Variants in DGKB observed in about 807,000 individuals in gnomAD.
DGKB encodes diacylglycerol kinase beta.
In DGKB, 67 loss-of-function variants were observed where a neutral mutation model predicts 114.3. The observed-to-expected ratio is 0.59, with a 90% CI of 0.48 to 0.72. The LOEUF (loss-of-function observed/expected upper bound fraction) is 0.72. DGKB is among the 30% of genes least tolerant of loss of function. DGKB has a pLI of 0.00. For synonymous variants in DGKB, 398 were observed against 323.1 expected (o/e 1.23, Z -2.49); for missense variants, 907 against 975.2 (o/e 0.93, Z 0.93).
Position 14,554,555 on chromosome 7 carries a change from C to T in DGKB, c.1770+19657G>A, listed in dbSNP as rs80295756. Among the ~76,000 whole-genome samples, 162 of 152,086 alleles carry T rather than the reference C, an allele frequency of 1.1e-3. 1 individual carries two copies. Among genetic ancestry groups the T allele is most frequent in the African/African-American group, 3.7e-3 (155 of 41,514 alleles). On this transcript the variant is annotated intron_variant, in intron 20 of 25. Coordinates refer to ENST00000402815, the MANE Select transcript of DGKB (RefSeq NM_001350709.2). ...TGAGATGGATGGATCAAAGGGTATG[C>T]ACATTTTTAAATTTTAATAGATACT...
intron 1 of DGKB, among the ~76,000 whole-genome samples, chr7:14,973,519 GT>G (rs201473471): frequency 2.4e-5 from 3 of 126,298 alleles, no homozygotes; most frequent in African/African-American, 5.9e-5. Flanking sequence ...TTTGTTTTTT[GT>G]TTTTTTGTTT....
chr7:14,612,781 T>A (rs931689816), intron 16 of DGKB, among the ~76,000 whole-genome samples: 1 of 152,132 alleles, frequency 6.6e-6, no homozygotes, highest in Non-Finnish European at 1.5e-5. Flanking sequence ...CATATTTGTA[T>A]TAAATAATAT....
chr7:14,227,460 T>G (rs1047712314), intron 23 of DGKB, among the ~76,000 whole-genome samples: 12 of 152,032 alleles, frequency 7.9e-5, no homozygotes, highest in Non-Finnish European at 1.8e-4. Flanking sequence ...AAAGAATAGA[T>G]CATAATGAAA....
intron 12 of DGKB, among the ~76,000 whole-genome samples, chr7:14,677,145 A>G (rs1479221742): frequency 6.6e-6 from 1 of 151,968 alleles, no homozygotes; most frequent in Non-Finnish European, 1.5e-5. Flanking sequence ...AGAAAGAAAA[A>G]GAAAGTGTGT....
intron 1 of DGKB, among the ~76,000 whole-genome samples, chr7:14,954,294 G>A (rs1349557067): frequency 6.6e-6 from 1 of 151,990 alleles, no homozygotes; most frequent in Non-Finnish European, 1.5e-5. Context: ...TTGGTAAAGG[G>A]GATGTAGAGC....
At position 14,698,474 on chromosome 7, in the gene DGKB, C is replaced by T. The variant is rs1980335; in HGVS notation, c.517-305G>A. ...TGAAGAAAGCAGGACCAAATACATA[C>T]TGTCACATGTGATTTTTAAGACACT... is the stretch of plus-strand genomic sequence containing the variant. On this transcript the variant is annotated intron_variant, in intron 7 of 25. Coordinates refer to ENST00000402815, the MANE Select transcript of DGKB (RefSeq NM_001350709.2). 6.8e-3 allele frequency among the ~76,000 whole-genome samples: 1,042 copies of T among 152,204 alleles called. 10 individuals are homozygous for T. The highest frequency in any genetic ancestry group is 0.023 in the African/African-American group (967 of 41,546).
In DGKB at chr7:14,304,632, G is replaced by A. The variant is rs149720922; in HGVS notation, c.2122+33883C>T. On this transcript the variant is annotated intron_variant, in intron 23 of 25. Coordinates refer to ENST00000402815, the MANE Select transcript of DGKB (RefSeq NM_001350709.2). ...TTTCCCCTGGTAGGTAAGCATTGCC[G>A]ATTTAGTGTCCAGTAGCATGTTTAC... 8.6e-3 allele frequency among the ~76,000 whole-genome samples: 1,302 copies of A among 152,184 alleles called. 6 individuals carry two copies. The highest frequency in any genetic ancestry group is 0.013 in the Non-Finnish European group (913 of 68,016).
intron 23 of DGKB, among the ~76,000 whole-genome samples, chr7:14,297,086 C>G (rs985483491): frequency 3.9e-5 from 6 of 151,966 alleles, no homozygotes; most frequent in African/African-American, 1.4e-4. Flanking sequence ...CCAAAAAAAG[C>G]CCAGGACCAG....
At chr7:14,177,633 CAT>C (rs1401480986) in intron 24 of DGKB, among the ~76,000 whole-genome samples, 3 of 137,614 alleles carry the variant, frequency 2.2e-5, no homozygotes, top group African/African-American at 5.3e-5. Flanking sequence ...AAATTTAAAA[CAT>C]ATATAAAATC....
chr7:14,180,494 G>T (rs1160093166), intron 23 of DGKB, among the ~76,000 whole-genome samples: 1 of 152,086 alleles, frequency 6.6e-6, no homozygotes, highest in Non-Finnish European at 1.5e-5. Context: ...GAACACCCAG[G>T]CTTTTAAACT....
chr7:14,404,974 C>T (rs1286065652), intron 21 of DGKB, among the ~76,000 whole-genome samples: 1 of 151,798 alleles, frequency 6.6e-6, no homozygotes, highest in South Asian at 2.1e-4. Context: ...TCATATAGTG[C>T]TACTGCTGAA....
chr7:14,565,135 A>C (rs2128682540), intron 20 of DGKB, among the ~76,000 whole-genome samples: 1 of 152,270 alleles, frequency 6.6e-6, no homozygotes, highest in Admixed American at 6.5e-5. Context: ...GGATGCAAAC[A>C]GAGGTTTGCA....
intron 4 of DGKB, among the ~76,000 whole-genome samples, chr7:14,738,760 G>A (rs1832112250): frequency 6.6e-6 from 1 of 152,196 alleles, no homozygotes; most frequent in Admixed American, 6.5e-5. Context: ...TGCTTTAAAA[G>A]CTGGTAATAA....
intron 23 of DGKB, among the ~76,000 whole-genome samples, chr7:14,260,796 A>ATGT (rs1451184933): frequency 6.6e-6 from 1 of 152,188 alleles, no homozygotes; most frequent in South Asian, 2.1e-4. Flanking sequence ...GCTCACCAAA[A>ATGT]TGTTAACATT....
intron 21 of DGKB, among the ~76,000 whole-genome samples, chr7:14,445,205 T>C (rs1409664010): frequency 6.6e-6 from 1 of 151,814 alleles, no homozygotes; most frequent in Non-Finnish European, 1.5e-5. Context: ...ATGTATAGAG[T>C]AAAAACTTTC....
chr7:14,339,262 C>G (rs1056723018), intron 22 of DGKB, among the ~76,000 whole-genome samples: 1 of 151,432 alleles, frequency 6.6e-6, no homozygotes, highest in East Asian at 1.9e-4. Context: ...TTCAATCACA[C>G]TGAATTTACC....
At position 14,724,450 on chromosome 7, in the gene DGKB, G is replaced by T. The variant is rs73682509; in HGVS notation, c.323-5765C>A. Among the ~76,000 whole-genome samples the T allele has an allele frequency of 7.3e-3, 1,109 of 152,272 alleles. 13 individuals are homozygous for T. The highest frequency in any genetic ancestry group is 0.026 in the African/African-American group (1,077 of 41,550). ...TAGAGATGGTGATTCCTTATAAAGA[G>T]AAGACAGACTGTGAGATACAGTCCC... On this transcript the variant is annotated intron_variant, in intron 5 of 25. Transcript: ENST00000402815.
chr7:14,883,485 C>A (rs1156305009), intron 1 of DGKB, among the ~76,000 whole-genome samples: 2 of 151,854 alleles, frequency 1.3e-5, no homozygotes, highest in Admixed American at 1.3e-4. Context: ...AATTTTCTAG[C>A]TTTTTAAAAT....
At position 14,468,254 on chromosome 7, in the gene DGKB, G is replaced by A. The variant is rs149729663; in HGVS notation, c.1835+9907C>T. ...AATTCTATCATTGATATTGGTTAAC[G>A]TCACAGGCTTATTTCCAAAAGTAGA... On this transcript the variant is annotated intron_variant, in intron 21 of 25. Transcript: ENST00000402815. Among the ~76,000 whole-genome samples the A allele has an allele frequency of 1.2e-3, 187 of 151,986 alleles. 1 individual carries two copies. The highest frequency in any genetic ancestry group is 4.1e-3 in the African/African-American group (171 of 41,462).
Sources: allele counts gnomAD v4.1 joint callset (sites outside exome capture counted in the v4.1 genomes callset), GRCh38; gene constraint gnomAD v4.1.1; transcripts MANE v1.5; gene names NCBI Gene and HGNC (gene_info 2026-07-23, HGNC 2026-07-21).